The following ADAMTSL3 variants were observed in gnomAD, a reference collection of about 807,000 sequenced individuals.
ADAMTSL3 encodes the protein ADAMTS like 3.
A neutral mutation model predicts 201.7 loss-of-function variants in ADAMTSL3; 128 were observed. The observed-to-expected ratio is 0.63, with a 90% confidence interval of 0.55 to 0.73. The LOEUF is 0.73. Among genes scored for constraint, ADAMTSL3 ranks in the 30% least tolerant of loss-of-function variants. ADAMTSL3 has a pLI of 0.00. For synonymous variants in ADAMTSL3, 738 were observed against 748.4 expected, an observed-to-expected ratio of 0.99 and a Z score of 0.23; for missense variants, 1,990 against 2,119.6, an observed-to-expected ratio of 0.94 and a Z score of 1.20.
chr15:84,026,015 A>G (rs2068298773), intron 27 of ADAMTSL3, among the ~76,000 whole-genome samples: 1 of 152,226 alleles, frequency 6.6e-6, no homozygotes, highest in Non-Finnish European at 1.5e-5. Flanking sequence ...TTTTTGTGGA[A>G]TTAAAGATAA....
chr15:83,761,313 A>G (rs770898273), intron 3 of ADAMTSL3, among the ~76,000 whole-genome samples: 10 of 152,172 alleles, frequency 6.6e-5, no homozygotes, highest in Non-Finnish European at 1.0e-4. Flanking sequence ...CCATATAAAT[A>G]TTTAAAACTC....
In ADAMTSL3 at chr15:83,942,634, G is replaced by A. The variant is rs199726894; in HGVS notation, c.2156G>A (p.Cys719Tyr). 50 of 1,613,942 alleles carry A rather than the reference G, an allele frequency of 3.1e-5. No individual in the cohort carries two copies. Among genetic ancestry groups the A allele is most frequent in the South Asian group, 1.1e-5 (1 of 91,078 alleles). ...TCTTGGGGGCCCTGCTCAGCTACCT[G>A]TGGAGTTGGAATTCAGACCCGAGAT... is the stretch of plus-strand genomic sequence containing the variant. The part of the protein sequence containing the change: ...VGSWGPCSAT[C>Y]GVGIQTRDVY... The change falls in exon 18 of 30, where the codon TGT becomes TAT. Residue 719 changes from cysteine (C) to tyrosine (Y), a missense_variant. Cys to Tyr is a radical substitution (Grantham distance 194). Coordinates refer to ENST00000286744, the MANE Select transcript of ADAMTSL3 (RefSeq NM_207517.3).
intron 5 of ADAMTSL3, among the ~76,000 whole-genome samples, chr15:83,818,391 A>G (rs2063801541): frequency 1.3e-5 from 2 of 152,150 alleles, no homozygotes; most frequent in African/African-American, 2.4e-5. Flanking sequence ...CAGTGGCACA[A>G]TCTTGGCTCA....
chr15:83,981,066 C>G (rs1681988874), intron 20 of ADAMTSL3, among the ~76,000 whole-genome samples: 1 of 152,220 alleles, frequency 6.6e-6, no homozygotes. Context: ...AGTCCAGTAT[C>G]TCTTCTGCCA....
At chr15:83,819,465 T>G (rs574619729) in intron 5 of ADAMTSL3, among the ~76,000 whole-genome samples, 1 of 152,006 alleles carries the variant, frequency 6.6e-6, no homozygotes, top group South Asian at 2.1e-4. Context: ...AGGAAGGAGA[T>G]TAGATAATGC....
chr15:84,010,932 T>C (rs1445330711), intron 23 of ADAMTSL3, among the ~76,000 whole-genome samples: 1 of 152,210 alleles, frequency 6.6e-6, no homozygotes, highest in Non-Finnish European at 1.5e-5. Flanking sequence ...GAGGTACAGC[T>C]TCTGTGCTCC....
Position 83,913,337 on chromosome 15 carries a change from A to C in ADAMTSL3, c.1946A>C (p.Glu649Ala). 6.2e-7 allele frequency: 1 copy of C among 1,613,660 alleles called. No individual in the cohort carries two copies. Among genetic ancestry groups the C allele is most frequent in the Non-Finnish European group, 8.5e-7 (1 of 1,179,998 alleles). Residue 649 changes from glutamate (E) to alanine (A), a missense_variant, in exon 16 of 30, where the codon GAG becomes GCG. Physicochemically the swap from Glu to Ala is moderately radical, Grantham distance 107 (BLOSUM62 -1). Transcript: ENST00000286744. ...PEDSETTYDWEYAGFTPCTAT... is the reference protein window; with the variant it reads ...PEDSETTYDWAYAGFTPCTAT... ...GACAGTGAGACGACTTACGACTGGG[A>C]GTACGCTGGGTTCACCCCTTGCACA...
intron 26 of ADAMTSL3, among the ~76,000 whole-genome samples, chr15:84,024,486 A>G (rs1036770301): frequency 6.6e-6 from 1 of 152,218 alleles, no homozygotes; most frequent in African/African-American, 2.4e-5. Flanking sequence ...AATTGAAGGA[A>G]ATATTAAATT....
At chr15:83,778,434 C>G (rs559551506) in intron 4 of ADAMTSL3, among the ~76,000 whole-genome samples, 1 of 152,308 alleles carries the variant, frequency 6.6e-6, no homozygotes, top group African/African-American at 2.4e-5. Context: ...CAGCTGAAAC[C>G]TTACAAGCAA....
Position 84,006,897 on chromosome 15 carries a change from C to T in ADAMTSL3, c.3974-7645C>T, listed in dbSNP as rs531453163. Among the ~76,000 whole-genome samples, 26 of 152,186 alleles carry T rather than the reference C, an allele frequency of 1.7e-4. 2 individuals carry two copies. The South Asian group carries it at 4.6e-3, about 27-fold the overall frequency. On this transcript the variant is annotated intron_variant, in intron 23 of 29. Coordinates refer to ENST00000286744, the MANE Select transcript of ADAMTSL3 (RefSeq NM_207517.3). ...GAGTTGGAGTTCACTATGGGACTTA[C>T]GGAGTTTGAGGTGCCTGTGGGACAT... is the stretch of plus-strand genomic sequence containing the variant.
At chr15:83,866,266 C>A (rs573719689) in intron 8 of ADAMTSL3, among the ~76,000 whole-genome samples, 1 of 152,278 alleles carries the variant, frequency 6.6e-6, no homozygotes, top group African/African-American at 2.4e-5. Flanking sequence ...TGGGTATATA[C>A]CCAAAGGATT....
At chr15:83,662,955 G>T (rs1487600182) in intron 2 of ADAMTSL3, among the ~76,000 whole-genome samples, 1 of 152,124 alleles carries the variant, frequency 6.6e-6, no homozygotes, top group Non-Finnish European at 1.5e-5. Flanking sequence ...TCTTTGGAGG[G>T]CTCCACAGGA....
intron 17 of ADAMTSL3, among the ~76,000 whole-genome samples, chr15:83,929,747 CACAGAGAG>C (rs2066319678): frequency 6.6e-6 from 1 of 150,822 alleles, no homozygotes; most frequent in South Asian, 2.1e-4. Flanking sequence ...CACACACACA[CACAGAGAG>C]ACAGAGAGAG....
At chr15:84,000,772 A>G (rs1168087922) in intron 23 of ADAMTSL3, among the ~76,000 whole-genome samples, 1 of 152,242 alleles carries the variant, frequency 6.6e-6, no homozygotes, top group Non-Finnish European at 1.5e-5. Flanking sequence ...GCATATATGC[A>G]AAAGCACGGA....
At chr15:83,882,042 G>C (rs1425229874) in intron 9 of ADAMTSL3, among the ~76,000 whole-genome samples, 1 of 152,016 alleles carries the variant, frequency 6.6e-6, no homozygotes, top group East Asian at 1.9e-4. Context: ...TGTAGTCTCA[G>C]CTACTTGGGA....
chr15:83,970,714 C>A, intron 20 of ADAMTSL3, 77 bp downstream of exon 20: 4 of 1,545,290 alleles, frequency 2.6e-6, no homozygotes, highest in Non-Finnish European at 3.5e-6. Context: ...ATTTTCCATA[C>A]GTCAACAGAT....
At chr15:83,833,414 C>G (rs997094388) in intron 6 of ADAMTSL3, among the ~76,000 whole-genome samples, 1 of 152,020 alleles carries the variant, frequency 6.6e-6, no homozygotes, top group Non-Finnish European at 1.5e-5. Flanking sequence ...GGGTACTAAT[C>G]CTATTCATGA....
intron 3 of ADAMTSL3, among the ~76,000 whole-genome samples, chr15:83,714,354 C>T (rs1402840668): frequency 1.3e-5 from 2 of 152,346 alleles, no homozygotes; most frequent in East Asian, 3.9e-4. Flanking sequence ...CACTGGAACA[C>T]TGTCTGCATT....
At chr15:83,697,962 A>T (rs1472340377) in intron 2 of ADAMTSL3, among the ~76,000 whole-genome samples, 2 of 152,044 alleles carry the variant, frequency 1.3e-5, no homozygotes, top group Non-Finnish European at 1.5e-5. Flanking sequence ...AGAACAAAAG[A>T]TGCTTCTAGC....
Sources: gnomAD v4.1 joint callset for allele counts (sites outside exome capture counted in the v4.1 genomes callset) on GRCh38, gnomAD v4.1.1 for gene constraint, MANE v1.5 for transcripts, NCBI Gene and HGNC (gene_info 2026-07-23, HGNC 2026-07-21) for gene names.